The following ACCS variants were observed in gnomAD, a reference collection of about 807,000 sequenced individuals.
ACCS encodes 1-aminocyclopropane-1-carboxylate synthase-like protein 1.
Under a neutral mutation model 59.8 loss-of-function variants are expected in ACCS, and 42 were observed. That is an observed-to-expected ratio of 0.70 (90% confidence interval 0.55 to 0.91). The LOEUF is 0.91. ACCS is among the 40% of genes least tolerant of loss of function. ACCS has a pLI of 0.00. For missense variants in ACCS, 602 were observed against 630.4 expected (o/e 0.95, Z 0.48); for synonymous variants, 230 against 240.3 (o/e 0.96, Z 0.40).
At chr11:44,073,617 C>T in intron 4 of ACCS, 100 bp downstream of exon 4, 3 of 1,215,858 alleles carry the variant, frequency 2.5e-6, no homozygotes, top group Non-Finnish European at 3.5e-6. Context: ...GTGCTCCTGG[C>T]ATTTAGTGTG....
At position 44,083,840 on chromosome 11, in the gene ACCS, T is replaced by A. The variant is rs1409225930; in HGVS notation, c.*48T>A. On this transcript the variant is annotated 3_prime_UTR_variant, in exon 15 of 15. Transcript: ENST00000263776. ...GAGGGCCCAGCAGCCACTGTGGACC[T>A]GGGGCGTTCTGGGGCTGCAGAAGAC... The A allele has an allele frequency of 3.2e-6, 5 of 1,554,456 alleles. No individual in the cohort carries two copies. The Admixed American group carries it at 9.7e-5, about 30-fold the overall frequency.
In ACCS at chr11:44,073,488, G is replaced by T. The variant is rs1430560022; in HGVS notation, c.390G>T (p.Leu130=). 8 of 1,608,922 alleles carry T rather than the reference G, an allele frequency of 5.0e-6. No homozygotes were observed. In the Admixed American group the frequency reaches 1.3e-4, roughly 27 times the overall value. ...RDMQRVEPSL[L]QYADWRGHLF... ...TGCAGAGGGTGGAGCCATCCCTGCT[G>T]CAGTATGCTGACTGGAGGGGACATC... Residue 130 remains leucine, a synonymous_variant, in exon 4 of 15, where the codon CTG becomes CTT. Coordinates refer to ENST00000263776, the MANE Select transcript of ACCS (RefSeq NM_032592.4).
At position 44,078,704 on chromosome 11, in the gene ACCS, C is replaced by T; in HGVS notation, c.753C>T (p.Leu251=). ...AHSEGVKVKG[L]ILISPQNPLG... Reference sequence around the variant, plus strand: ...TTCAGGGTGTGAAGGTCAAAGGCCTCATCCTCATCAGCCCCCAGAACCCTC... The same window carrying T: ...TTCAGGGTGTGAAGGTCAAAGGCCTTATCCTCATCAGCCCCCAGAACCCTC... The change falls in exon 9 of 15, where the codon CTC becomes CTT. Residue 251 remains leucine, a synonymous_variant. Transcript: ENST00000263776. The T allele has an allele frequency of 6.2e-7, 1 of 1,614,094 alleles. No individual in the cohort carries two copies. The highest frequency in any genetic ancestry group is 8.5e-7 in the Non-Finnish European group (1 of 1,180,014).
chr11:44,074,867 C>A, intron 5 of ACCS, among the ~76,000 whole-genome samples, 186 bp downstream of exon 5: 1 of 145,348 alleles, frequency 6.9e-6, no homozygotes, highest in Middle Eastern at 3.5e-3. Flanking sequence ...CTCTGTCACC[C>A]AGACTGGAAT....
In ACCS at chr11:44,078,666, C is replaced by T. The variant is rs1483454841; in HGVS notation, c.733-18C>T. On this transcript the variant is annotated intron_variant, in intron 8 of 14. Transcript: ENST00000263776. ...TGGGGAAGAGCTGAGGGTCTCCTGC[C>T]CTAACGGATGGTTTCAGGGTGTGAA... 3 of 1,612,752 alleles carry T rather than the reference C, an allele frequency of 1.9e-6. No homozygotes were observed. The highest frequency in any genetic ancestry group is 1.3e-5 in the African/African-American group (1 of 74,868).
chr11:44,067,570 T>A (rs532337429), intron 1 of ACCS, 58 bp from the exon 2 acceptor site: 1 of 1,521,574 alleles, frequency 6.6e-7, no homozygotes, highest in South Asian at 1.3e-5. Context: ...AACTCCTTTC[T>A]GATGCTTGGT....
rs1171880446 is a variant in ACCS, at chr11:44,077,282, C to T, written c.560C>T (p.Ala187Val). The T allele has an allele frequency of 6.2e-7, 1 of 1,613,908 alleles. No homozygotes were observed. The highest frequency in any genetic ancestry group is 2.2e-5 in the East Asian group (1 of 44,882). ...CCTCGCCCACTCCTGCCCCCAGAGG[C>T]TTTCCTGATCCCCACCCCTTACTAT... ...LATVLCEAGE[A>V]FLIPTPYYGA... The change falls in exon 7 of 15, where the codon GCT becomes GTT. Residue 187 changes from alanine to valine, a missense_variant. Coordinates refer to ENST00000263776, the MANE Select transcript of ACCS (RefSeq NM_032592.4).
At chr11:44,083,375 A>C (rs771139761) in intron 13 of ACCS, 49 bp from the exon 14 acceptor site, 2 of 1,612,866 alleles carry the variant, frequency 1.2e-6, no homozygotes, top group Non-Finnish European at 1.7e-6. Context: ...GGTGAGGGGC[A>C]GTTGGTGAGG....
intron 12 of ACCS, among the ~76,000 whole-genome samples, chr11:44,082,608 A>G (rs1413572539): frequency 6.6e-6 from 1 of 152,220 alleles, no homozygotes; most frequent in Admixed American, 6.5e-5. Context: ...AGATCTGTTT[A>G]TAGTCACATC....
At chr11:44,081,997 T>G (rs531770971) in intron 12 of ACCS, 1 of 152,404 alleles carries the variant, frequency 6.6e-6, no homozygotes, top group South Asian at 2.1e-4. Context: ...ATGCACCTGC[T>G]GTATCATCTC....
intron 8 of ACCS, 70 bp downstream of exon 8, chr11:44,077,992 G>T: frequency 6.5e-7 from 1 of 1,542,646 alleles, no homozygotes; most frequent in Non-Finnish European, 8.8e-7. Context: ...CCCTCTTCTT[G>T]TGACTGATCT....
chr11:44,072,891 T>C (rs768103450), intron 3 of ACCS, among the ~76,000 whole-genome samples: 4 of 152,202 alleles, frequency 2.6e-5, no homozygotes, highest in Non-Finnish European at 5.9e-5. Flanking sequence ...CCCCAGTGCG[T>C]AAGGCCCCTG....
intron 6 of ACCS, 80 bp downstream of exon 6, chr11:44,075,672 T>A: frequency 6.6e-7 from 1 of 1,512,570 alleles, no homozygotes. Flanking sequence ...CCTCAAGGGC[T>A]GCAATAGTAT....
chr11:44,083,734 A>T lies in ACCS; in HGVS notation c.1448A>T (p.Gln483Leu), dbSNP rs199708782. Residue 483 changes from glutamine to leucine, a missense_variant, in exon 15 of 15, where the codon CAA becomes CTA. Coordinates refer to ENST00000263776, the MANE Select transcript of ACCS (RefSeq NM_032592.4). ...CAGCAGGTGCTTGCAGGCAAATCCC[A>T]AGTGGCAGAAGACCCCCGTCCCTCT... The part of the protein sequence containing the change: ...RVQQVLAGKS[Q>L]VAEDPRPSQS... 46 of 1,614,030 alleles carry T rather than the reference A, an allele frequency of 2.9e-5. No individual in the cohort carries two copies. The East Asian group carries it at 9.8e-4, about 34-fold the overall frequency.
At chr11:44,071,166 ACTTTG>A in intron 2 of ACCS, 85 bp from the exon 3 acceptor site, 5 of 1,364,230 alleles carry the variant, frequency 3.7e-6, no homozygotes, top group Admixed American at 1.7e-5. Context: ...GAGAGCTCCC[ACTTTG>A]CTTTGCTGCC....
chr11:44,073,389 C>A, intron 3 of ACCS, 58 bp from the exon 4 acceptor site: 1 of 1,407,178 alleles, frequency 7.1e-7, no homozygotes, highest in Non-Finnish European at 9.9e-7. Flanking sequence ...CTGCCCTGTG[C>A]TGTGGATGCT....
rs2134906614 is a variant in ACCS, at chr11:44,083,298, T to C, written c.1241T>C (p.Val414Ala). 1.2e-6 allele frequency: 2 copies of C among 1,614,028 alleles called. No individual in the cohort carries two copies. Among genetic ancestry groups the C allele is most frequent in the Middle Eastern group, 3.3e-4 (2 of 6,060 alleles). ...LSRGAGFFIWVDLRKYLPKGT... is the reference protein window; with the variant it reads ...LSRGAGFFIWADLRKYLPKGT... ...CGTGGGGCTGGCTTCTTCATCTGGGTTGACTTGAGAAAGGTAATGCTGGTG... is the reference window on the plus strand; with the variant it reads ...CGTGGGGCTGGCTTCTTCATCTGGGCTGACTTGAGAAAGGTAATGCTGGTG... Residue 414 changes from valine to alanine, a missense_variant, in exon 13 of 15, where the codon GTT (valine) becomes GCT (alanine). Transcript: ENST00000263776.
intron 12 of ACCS, among the ~76,000 whole-genome samples, chr11:44,082,790 C>T (rs898898871): frequency 2.0e-5 from 3 of 152,114 alleles, no homozygotes; most frequent in Non-Finnish European, 4.4e-5. Context: ...TGAAGTTGCC[C>T]AAGGACCCAC....
chr11:44,077,861 C>T lies in ACCS; in HGVS notation c.671C>T (p.Thr224Ile). Reference protein sequence around the residue: ...YLDSEVTGLDTRPFQLTVEKL... With the variant: ...YLDSEVTGLDIRPFQLTVEKL... ...TTTTTCCAGGTCACTGGGCTAGACA[C>T]ACGCCCCTTCCAGCTCACAGTGGAG... Residue 224 changes from threonine (T) to isoleucine (I), a missense_variant, in exon 8 of 15, where the codon ACA (threonine) becomes ATA (isoleucine). Transcript: ENST00000263776. 2 of 1,613,968 alleles carry T rather than the reference C, an allele frequency of 1.2e-6. No individual in the cohort carries two copies. Among genetic ancestry groups the T allele is most frequent in the Non-Finnish European group, 1.7e-6 (2 of 1,179,936 alleles).
Sources: allele counts gnomAD v4.1 joint callset (sites outside exome capture counted in the v4.1 genomes callset), GRCh38; gene constraint gnomAD v4.1.1; transcripts MANE v1.5; gene names NCBI Gene and HGNC (gene_info 2026-07-23, HGNC 2026-07-21).